DEPDC1B: variants seen among roughly 807,000 people sequenced by gnomAD.
The protein encoded by DEPDC1B is DEP domain-containing protein 1B.
Under a neutral mutation model 66.5 loss-of-function variants are expected in DEPDC1B, and 51 were observed. The observed-to-expected ratio is 0.77, with a 90% CI of 0.61 to 0.97. DEPDC1B has a LOEUF of 0.97. DEPDC1B is among the 50% of genes least tolerant of loss of function. The probability of loss-of-function intolerance (pLI) is 0.00; values close to 1 mark genes in which losing one functional copy is unlikely to be tolerated. For synonymous variants in DEPDC1B, 226 were observed against 223.6 expected, an observed-to-expected ratio of 1.01 and a Z score of -0.10; for missense variants, 552 against 637.1, an observed-to-expected ratio of 0.87 and a Z score of 1.44.
intron 3 of DEPDC1B, among the ~76,000 whole-genome samples, chr5:60,646,199 G>A (rs1353165779): frequency 6.6e-6 from 1 of 152,132 alleles, no homozygotes; most frequent in Non-Finnish European, 1.5e-5. Context: ...CTCAGTCCTG[G>A]TGGTCTTCTA....
intron 2 of DEPDC1B, among the ~76,000 whole-genome samples, chr5:60,667,790 A>T (rs1421867892): frequency 7.4e-6 from 1 of 134,534 alleles, no homozygotes; most frequent in Non-Finnish European, 1.5e-5. Flanking sequence ...TATATAAAAA[A>T]TGGATATTTT....
At chr5:60,675,751 A>C (rs191865331) in intron 2 of DEPDC1B, among the ~76,000 whole-genome samples, 1 of 152,290 alleles carries the variant, frequency 6.6e-6, no homozygotes, top group East Asian at 1.9e-4. Flanking sequence ...TCATCTAGGC[A>C]ATATCGCTTT....
intron 2 of DEPDC1B, among the ~76,000 whole-genome samples, chr5:60,659,776 C>G (rs914742561): frequency 6.6e-6 from 1 of 152,184 alleles, no homozygotes; most frequent in African/African-American, 2.4e-5. Context: ...CTTCTAGGTA[C>G]TAATGGTTCA....
intron 8 of DEPDC1B, among the ~76,000 whole-genome samples, chr5:60,604,208 A>C (rs904025434): frequency 3.2e-5 from 3 of 92,490 alleles, no homozygotes; most frequent in Non-Finnish European, 8.0e-5. Flanking sequence ...TAGAATTGAA[A>C]TTAACTATTC....
chr5:60,604,175 T>C (rs1044166817), intron 8 of DEPDC1B, among the ~76,000 whole-genome samples: 44 of 148,950 alleles, frequency 3.0e-4, no homozygotes, highest in African/African-American at 1.0e-3. Flanking sequence ...AAATATATTA[T>C]AGCATCAATG....
At chr5:60,688,996 C>T (rs1404178235) in intron 1 of DEPDC1B, 2 of 456,160 alleles carry the variant, frequency 4.4e-6, no homozygotes, top group Non-Finnish European at 8.8e-6. Flanking sequence ...ACACAATGAT[C>T]CTAATCTTCA....
rs1752438614 is a variant in DEPDC1B at position 60,612,596 on chromosome 5, T to C, written c.899-6740A>G. On this transcript the variant is annotated intron_variant, in intron 7 of 10. Coordinates refer to ENST00000265036, the MANE Select transcript of DEPDC1B (RefSeq NM_018369.3). Reference sequence around the variant, plus strand: ...ATCAGTGTTACTTTCCTGATTTTTATGCTTGTCTGAGGGTCCTGCAGGGAA... The same window carrying C: ...ATCAGTGTTACTTTCCTGATTTTTACGCTTGTCTGAGGGTCCTGCAGGGAA... Among the ~76,000 whole-genome samples the C allele has an allele frequency of 2.0e-5, 3 of 150,864 alleles. No homozygotes were observed. The South Asian group carries it at 6.3e-4, about 32-fold the overall frequency.
At chr5:60,615,337 G>C (rs891974270) in intron 7 of DEPDC1B, among the ~76,000 whole-genome samples, 2 of 152,146 alleles carry the variant, frequency 1.3e-5, no homozygotes, top group African/African-American at 2.4e-5. Context: ...GTGAGCCAAA[G>C]AATGGTGACG....
intron 7 of DEPDC1B, among the ~76,000 whole-genome samples, chr5:60,616,996 G>A (rs945761864): frequency 1.4e-4 from 22 of 152,064 alleles, no homozygotes; most frequent in African/African-American, 4.1e-4. Flanking sequence ...CATTCCTGAA[G>A]GAAAGAATTT....
chr5:60,646,294 T>C (rs750120452), intron 3 of DEPDC1B, among the ~76,000 whole-genome samples: 1 of 152,236 alleles, frequency 6.6e-6, no homozygotes, highest in Non-Finnish European at 1.5e-5. Context: ...TAGAAGAATC[T>C]ACCTTTGCTT....
At chr5:60,615,072 A>G (rs1752511860) in intron 7 of DEPDC1B, among the ~76,000 whole-genome samples, 1 of 152,232 alleles carries the variant, frequency 6.6e-6, no homozygotes, top group African/African-American at 2.4e-5. Context: ...TGCAGCTAAT[A>G]CTTCATGCAC....
chr5:60,612,867 G>C (rs1403879009), intron 7 of DEPDC1B, among the ~76,000 whole-genome samples: 1 of 152,150 alleles, frequency 6.6e-6, no homozygotes, highest in African/African-American at 2.4e-5. Flanking sequence ...ATACTCTAAG[G>C]ATGTCAATCA....
chr5:60,617,777 A>C (rs1403758149), intron 7 of DEPDC1B, among the ~76,000 whole-genome samples: 1 of 152,206 alleles, frequency 6.6e-6, no homozygotes, highest in Non-Finnish European at 1.5e-5. Context: ...TCAGCTCTGC[A>C]CCAAGTGGAC....
At position 60,604,230 on chromosome 5, in the gene DEPDC1B, T is replaced by C. The variant is rs1213547440; in HGVS notation, c.1066-663A>G. ...GAAATTAACTATTCTTTTTTTTTTT[T>C]TTTTTTTTTTTACGGAGTCTCGCTC... On this transcript the variant is annotated intron_variant, in intron 8 of 10. Transcript: ENST00000265036. Among the ~76,000 whole-genome samples, 3 of 135,794 alleles carry C rather than the reference T, an allele frequency of 2.2e-5. 1 individual carries two copies. The highest frequency in any genetic ancestry group is 4.8e-5 in the Non-Finnish European group (3 of 62,026). The allele number at this position is 135,794 out of a possible 152,430, so 89.1% of individuals were successfully genotyped here.
intron 9 of DEPDC1B, among the ~76,000 whole-genome samples, chr5:60,601,336 C>G (rs985486929): frequency 6.6e-6 from 1 of 152,186 alleles, no homozygotes; most frequent in African/African-American, 2.4e-5. Flanking sequence ...GTTAAAATTA[C>G]ACTTTTCACC....
chr5:60,598,653 T>C (rs554520368), intron 10 of DEPDC1B, among the ~76,000 whole-genome samples: 2 of 152,346 alleles, frequency 1.3e-5, no homozygotes, highest in East Asian at 3.9e-4. Context: ...ACTAATTTGA[T>C]AGTGGCTATC....
chr5:60,696,451 T>C (rs1278368822), intron 1 of DEPDC1B, among the ~76,000 whole-genome samples: 5 of 152,238 alleles, frequency 3.3e-5, no homozygotes, highest in Non-Finnish European at 7.3e-5. Context: ...CTGAGGTCAC[T>C]TTGGTCTCTG....
intron 7 of DEPDC1B, among the ~76,000 whole-genome samples, chr5:60,617,525 T>C (rs1331482979): frequency 6.6e-6 from 1 of 151,794 alleles, no homozygotes; most frequent in Non-Finnish European, 1.5e-5. Flanking sequence ...CCAACAAAGG[T>C]CAAAAGAGAC....
intron 7 of DEPDC1B, among the ~76,000 whole-genome samples, chr5:60,621,440 A>T (rs1173041451): frequency 6.6e-6 from 1 of 152,140 alleles, no homozygotes; most frequent in Non-Finnish European, 1.5e-5. Context: ...AAACTATCGC[A>T]GGGACAAAAA....
Sources: gnomAD v4.1 joint callset for allele counts (sites outside exome capture counted in the v4.1 genomes callset) on GRCh38, gnomAD v4.1.1 for gene constraint, MANE v1.5 for transcripts, NCBI Gene and HGNC (gene_info 2026-07-23, HGNC 2026-07-21) for gene names.